PTPRD: variants seen among roughly 807,000 people sequenced by gnomAD.
PTPRD encodes receptor-type tyrosine-protein phosphatase delta.
PTPRD carries 34 observed loss-of-function variants against 214.5 expected under a neutral mutation model. That is an observed-to-expected ratio of 0.16 (90% confidence interval 0.12 to 0.21). The LOEUF is 0.21. PTPRD is among the 10% of genes least tolerant of loss of function. The pLI, the probability that PTPRD is intolerant of heterozygous loss-of-function variation, is 1.00. For missense variants in PTPRD, 2,545 were observed against 2,398.7 expected (o/e 1.06, Z -1.27); for synonymous variants, 1,128 against 845.7 (o/e 1.33, Z -5.79).
At chr9:9,265,353 C>G (rs1436207164) in intron 9 of PTPRD, among the ~76,000 whole-genome samples, 1 of 151,542 alleles carries the variant, frequency 6.6e-6, no homozygotes, top group East Asian at 2.0e-4. Flanking sequence ...CCTTGAACTC[C>G]TGGGCTGAAG....
intron 4 of PTPRD, among the ~76,000 whole-genome samples, chr9:10,023,290 T>C (rs934893889): frequency 4.6e-5 from 7 of 152,158 alleles, no homozygotes; most frequent in African/African-American, 1.7e-4. Context: ...ACTTTTCTAA[T>C]AATGGAGAAT....
At chr9:8,571,670 C>A (rs1230225950) in intron 14 of PTPRD, among the ~76,000 whole-genome samples, 1 of 152,054 alleles carries the variant, frequency 6.6e-6, no homozygotes, top group African/African-American at 2.4e-5. Context: ...TTTAGAAAAA[C>A]AATATTTAAT....
chr9:8,820,826 C>G (rs1036350821), intron 11 of PTPRD, among the ~76,000 whole-genome samples: 5 of 151,504 alleles, frequency 3.3e-5, no homozygotes, highest in Admixed American at 3.3e-4. Context: ...TTATGTTCCA[C>G]TATCCCTTTA....
chr9:9,115,056 G>T (rs2099811016), intron 10 of PTPRD, among the ~76,000 whole-genome samples: 1 of 152,130 alleles, frequency 6.6e-6, no homozygotes, highest in African/African-American at 2.4e-5. Flanking sequence ...GTCCTGAACT[G>T]GAGCTCAGAA....
chr9:10,331,214 C>T (rs1281527550), intron 3 of PTPRD, among the ~76,000 whole-genome samples: 1 of 151,832 alleles, frequency 6.6e-6, no homozygotes, highest in Admixed American at 6.6e-5. Flanking sequence ...AACGCAGATA[C>T]TGGTTTGAAA....
intron 8 of PTPRD, among the ~76,000 whole-genome samples, chr9:9,476,811 C>T (rs1277744166): frequency 6.6e-6 from 1 of 152,134 alleles, no homozygotes; most frequent in Non-Finnish European, 1.5e-5. Flanking sequence ...TCTTGGCTCA[C>T]CGCAACCTCC....
chr9:8,750,425 T>C (rs2093399726), intron 11 of PTPRD, among the ~76,000 whole-genome samples: 2 of 152,056 alleles, frequency 1.3e-5, no homozygotes, highest in Admixed American at 1.3e-4. Flanking sequence ...CCGAAAGTGC[T>C]GGGATTACAG....
chr9:8,604,279 C>A (rs922862540), intron 14 of PTPRD, among the ~76,000 whole-genome samples: 3 of 152,038 alleles, frequency 2.0e-5, no homozygotes, highest in African/African-American at 4.8e-5. Flanking sequence ...CAAGAGAGGA[C>A]CATTAGATCT....
intron 9 of PTPRD, among the ~76,000 whole-genome samples, chr9:9,221,296 G>C (rs2099955832): frequency 6.6e-6 from 1 of 152,192 alleles, no homozygotes; most frequent in South Asian, 2.1e-4. Context: ...CGGAGCAACA[G>C]GAGAAAACTT....
chr9:10,138,973 T>C (rs538952628), intron 3 of PTPRD, among the ~76,000 whole-genome samples: 1 of 151,850 alleles, frequency 6.6e-6, no homozygotes, highest in Non-Finnish European at 1.5e-5. Flanking sequence ...ACCACCCCCC[T>C]TGAGAACAAG....
chr9:8,799,322 G>C (rs975573609), intron 11 of PTPRD, among the ~76,000 whole-genome samples: 1 of 152,154 alleles, frequency 6.6e-6, no homozygotes, highest in Non-Finnish European at 1.5e-5. Context: ...GTTGTAGTTG[G>C]TATAAGAAAG....
chr9:8,780,620 C>T lies in PTPRD; in HGVS notation c.-103-46674G>A, dbSNP rs185161229. Among the ~76,000 whole-genome samples, 9 of 152,296 alleles carry T rather than the reference C, an allele frequency of 5.9e-5. No homozygotes were observed. The East Asian group carries it at 1.7e-3, about 29-fold the overall frequency. ...GAGGTACCCGAAGCAACCCCAGAGC[C>T]AGGCTCTCAGTGTGTGTCAGTCAGT... On this transcript the variant is annotated intron_variant, in intron 11 of 45. Transcript: ENST00000381196.
intron 5 of PTPRD, among the ~76,000 whole-genome samples, chr9:9,816,620 CT>C (rs1399997497): frequency 6.6e-6 from 1 of 151,908 alleles, no homozygotes; most frequent in South Asian, 2.1e-4. Context: ...CCTCAAATGC[CT>C]TATGAGCTTA....
chr9:10,105,024 T>C (rs2098609778), intron 3 of PTPRD, among the ~76,000 whole-genome samples: 1 of 151,928 alleles, frequency 6.6e-6, no homozygotes, highest in African/African-American at 2.4e-5. Context: ...AATAATGCTT[T>C]ACATTTCAGT....
intron 5 of PTPRD, among the ~76,000 whole-genome samples, chr9:9,854,475 A>C (rs1424264252): frequency 6.6e-6 from 1 of 152,032 alleles, no homozygotes; most frequent in Non-Finnish European, 1.5e-5. Context: ...CAAGATTCCC[A>C]AGAATCTTTT....
chr9:8,557,435 C>CATATAT lies in PTPRD; in HGVS notation c.353-28662_353-28657dup, dbSNP rs34006120. On this transcript the variant is annotated intron_variant, in intron 14 of 45. Transcript: ENST00000381196. ...ACTCTTTATTTTTCATTTGTAAATA[C>CATATAT]ATATATATATATATATATATATTTG... Among the ~76,000 whole-genome samples, 244 of 133,622 alleles carry CATATAT rather than the reference C, an allele frequency of 1.8e-3. 4 individuals carry two copies. In the East Asian group the frequency reaches 0.022, roughly 12 times the overall value. 87.7% of individuals were successfully genotyped at this position (133,622 alleles called of 152,430 possible).
intron 6 of PTPRD, among the ~76,000 whole-genome samples, chr9:9,756,523 T>C (rs2098581824): frequency 6.6e-6 from 1 of 152,006 alleles, no homozygotes; most frequent in Non-Finnish European, 1.5e-5. Context: ...TCAAAGAGGG[T>C]AAGCAGAAGG....
At chr9:9,942,148 A>G in intron 4 of PTPRD, among the ~76,000 whole-genome samples, 1 of 152,072 alleles carries the variant, frequency 6.6e-6, no homozygotes, top group East Asian at 1.9e-4. Flanking sequence ...CACCAAAACC[A>G]CATTGATTGG....
chr9:10,321,556 C>T (rs2096552900), intron 3 of PTPRD, among the ~76,000 whole-genome samples: 1 of 152,028 alleles, frequency 6.6e-6, no homozygotes, highest in African/African-American at 2.4e-5. Context: ...GTATAGATTT[C>T]ATTTCAAATC....
Sources: allele counts gnomAD v4.1 joint callset (sites outside exome capture counted in the v4.1 genomes callset), GRCh38; gene constraint gnomAD v4.1.1; transcripts MANE v1.5; gene names NCBI Gene and HGNC (gene_info 2026-07-23, HGNC 2026-07-21).